PUDP: variants seen among roughly 807,000 people sequenced by gnomAD.
PUDP encodes the protein pseudouridine 5'-phosphatase.
In PUDP, 8 loss-of-function variants were observed where a neutral mutation model predicts 9.4. The ratio of observed to expected loss-of-function variants is 0.85; its 90% CI spans 0.50 to 1.53. The LOEUF is 1.53. PUDP is among the 40% of genes most tolerant of loss of function. The pLI is 0.00. For synonymous variants in PUDP, 99 were observed against 80.7 expected (o/e 1.23, Z -1.22); for missense variants, 188 against 189.7 (o/e 0.99, Z 0.05).
At chrX:6,893,823 C>G (rs1927549605) in intron 3 of PUDP, among the ~76,000 whole-genome samples, 1 of 111,558 alleles carries the variant, frequency 9.0e-6, no homozygotes, top group Non-Finnish European at 1.9e-5. Context: ...ACACTATTCA[C>G]AATAGCAAAG....
At chrX:7,106,398 G>A (rs1473602186) in intron 1 of PUDP, among the ~76,000 whole-genome samples, 1 of 112,172 alleles carries the variant, frequency 8.9e-6, no homozygotes, top group South Asian at 3.7e-4. Flanking sequence ...CTCCCGGCTC[G>A]GCACTTACTC....
At chrX:6,926,486 C>G (rs1223534836) in intron 3 of PUDP, among the ~76,000 whole-genome samples, 1 of 112,245 alleles carries the variant, frequency 8.9e-6, no homozygotes, top group Non-Finnish European at 1.9e-5. Context: ...AGGCGCTGTT[C>G]TCCTTTTTCT....
intron 1 of PUDP, 65 bp downstream of exon 1, chrX:7,147,988 C>T (rs1279944456): frequency 1.1e-5 from 10 of 891,244 alleles, no homozygotes; most frequent in African/African-American, 1.1e-4. Flanking sequence ...ACGTACCCCG[C>T]GCCGACCGTC....
chrX:7,015,491 C>A (rs1039251188), intron 1 of PUDP, among the ~76,000 whole-genome samples: 1 of 111,669 alleles, frequency 9.0e-6, no homozygotes, highest in African/African-American at 3.3e-5. Flanking sequence ...TCAGGAAGGG[C>A]GAGAGGACCA....
chrX:6,901,546 C>T (rs1231335120), intron 3 of PUDP, among the ~76,000 whole-genome samples: 1 of 112,189 alleles, frequency 8.9e-6, no homozygotes, highest in Non-Finnish European at 1.9e-5. Context: ...ATGCTTGCTC[C>T]ACGGGGCGCA....
chrX:6,743,090 G>A (rs978172056), intron 3 of PUDP, among the ~76,000 whole-genome samples: 3 of 111,766 alleles, frequency 2.7e-5, no homozygotes, highest in Admixed American at 9.5e-5. Context: ...AATACACAAC[G>A]GCTTCCTGTA....
intron 3 of PUDP, among the ~76,000 whole-genome samples, chrX:6,813,187 A>G (rs951326764): frequency 2.2e-4 from 24 of 110,910 alleles, no homozygotes; most frequent in African/African-American, 7.2e-4. Flanking sequence ...AAAGAAAGAG[A>G]AAAAAAAGAA....
At chrX:6,862,876 T>C (rs1927023614) in intron 3 of PUDP, among the ~76,000 whole-genome samples, 1 of 111,240 alleles carries the variant, frequency 9.0e-6, no homozygotes, top group South Asian at 3.8e-4. Flanking sequence ...ACTAGCACCA[T>C]CCAATAGAAA....
intron 3 of PUDP, among the ~76,000 whole-genome samples, chrX:6,882,648 T>G (rs890497853): frequency 9.0e-6 from 1 of 111,044 alleles, no homozygotes; most frequent in Non-Finnish European, 1.9e-5. Flanking sequence ...GTTAAGGCAA[T>G]AAAGAAAATC....
intron 3 of PUDP, among the ~76,000 whole-genome samples, chrX:6,933,046 C>A (rs2146771048): frequency 9.0e-6 from 1 of 110,553 alleles, no homozygotes; most frequent in African/African-American, 3.3e-5. Flanking sequence ...GGGCAGGGCA[C>A]AGACAAACAA....
Position 7,105,875 on chromosome X carries a change from C to T in PUDP, c.62-37G>A, listed in dbSNP as rs1397047973. 4 of 955,762 alleles carry T rather than the reference C, an allele frequency of 4.2e-6. No homozygotes were observed. The Admixed American group carries it at 8.1e-5, about 19-fold the overall frequency. The allele number at this position is 955,762 out of a possible 1,213,427, so 78.8% of individuals were successfully genotyped here. The stretch of plus-strand genomic sequence containing the variant: ...AAAAAAGAGATTTTTAGAGTGCATA[C>T]TGTATGAACAGTAAGTTTGTATCAG... On this transcript the variant is annotated intron_variant, in intron 1 of 3. Transcript: ENST00000381077.
chrX:7,090,541 C>A (rs772584547), intron 2 of PUDP, among the ~76,000 whole-genome samples: 1 of 111,813 alleles, frequency 8.9e-6, no homozygotes, highest in African/African-American at 3.2e-5. Context: ...TATTAAATTG[C>A]GCTTACAATA....
intron 3 of PUDP, among the ~76,000 whole-genome samples, chrX:6,916,242 A>C (rs1025226105): frequency 4.1e-5 from 3 of 72,690 alleles, no homozygotes; most frequent in African/African-American, 2.0e-4. Flanking sequence ...ACACACACAC[A>C]CACACACCCT....
At chrX:6,884,120 G>A (rs751711001) in intron 3 of PUDP, among the ~76,000 whole-genome samples, 135 of 112,312 alleles carry the variant, frequency 1.2e-3, no homozygotes, top group African/African-American at 4.1e-3. Context: ...GATTACAGGC[G>A]TGAGCCACCG....
At chrX:6,754,575 C>T (rs1406357941) in intron 3 of PUDP, among the ~76,000 whole-genome samples, 1 of 107,810 alleles carries the variant, frequency 9.3e-6, no homozygotes, top group East Asian at 2.8e-4. Context: ...AAATCACAGA[C>T]TATTATAAAA....
chrX:7,060,676 T>C (rs1930376216), intron 3 of PUDP, among the ~76,000 whole-genome samples: 1 of 112,760 alleles, frequency 8.9e-6, no homozygotes, highest in African/African-American at 3.2e-5. Flanking sequence ...AGTAGCTGAA[T>C]GTGGCATGAC....
chrX:6,767,195 G>A (rs1016694887), intron 3 of PUDP, among the ~76,000 whole-genome samples: 6 of 113,179 alleles, frequency 5.3e-5, no homozygotes, highest in African/African-American at 1.6e-4. Context: ...ATTATTTAGC[G>A]TAGCTAAGCT....
intron 3 of PUDP, among the ~76,000 whole-genome samples, chrX:6,937,457 C>T (rs1399601160): frequency 1.9e-5 from 2 of 105,082 alleles, no homozygotes; most frequent in African/African-American, 6.9e-5. Flanking sequence ...GGATCCCTTC[C>T]TTACACCTTA....
At chrX:7,058,057 G>A (rs1242855931) in intron 3 of PUDP, among the ~76,000 whole-genome samples, 3 of 111,189 alleles carry the variant, frequency 2.7e-5, no homozygotes, top group African/African-American at 3.3e-5. Context: ...ACGTCCCATC[G>A]GGAAGCAGAC....
Sources: allele counts gnomAD v4.1 joint callset (sites outside exome capture counted in the v4.1 genomes callset), GRCh38; gene constraint gnomAD v4.1.1; transcripts MANE v1.5; gene names NCBI Gene and HGNC (gene_info 2026-07-23, HGNC 2026-07-21).